The following ASH1L variants were observed in gnomAD, a reference collection of about 807,000 sequenced individuals.
The protein encoded by ASH1L is histone-lysine N-methyltransferase ASH1L.
In ASH1L, 23 loss-of-function variants were observed where a neutral mutation model predicts 269.0. The ratio of observed to expected loss-of-function variants is 0.09; its 90% CI spans 0.06 to 0.12. ASH1L has a LOEUF of 0.12. Ranked by LOEUF, ASH1L falls within the 10% of genes least tolerant of loss-of-function variation. The pLI, the probability that ASH1L is intolerant of heterozygous loss-of-function variation, is 1.00. For synonymous variants in ASH1L, 1,187 were observed against 1,253.5 expected (o/e 0.95, Z 1.12); for missense variants, 2,912 against 3,567.8 (o/e 0.82, Z 4.68).
At chr1:155,342,953 A>G in intron 24 of ASH1L, 1 of 168,806 alleles carries the variant, frequency 5.9e-6, no homozygotes, top group Non-Finnish European at 1.3e-5. Flanking sequence ...ATATACAGGC[A>G]ATCATATACA....
At chr1:155,472,367 T>C (rs1015297605) in intron 3 of ASH1L, among the ~76,000 whole-genome samples, 1 of 152,202 alleles carries the variant, frequency 6.6e-6, no homozygotes, top group African/African-American at 2.4e-5. Flanking sequence ...TTCCCTGCTA[T>C]CTTTCTCATT....
chr1:155,348,899 A>AT (rs56051732), intron 19 of ASH1L, among the ~76,000 whole-genome samples: 79,027 of 132,208 alleles, frequency 0.6, 25,960 homozygotes, highest in East Asian at 0.76. Flanking sequence ...AAAAAAAAAA[A>AT]ATATATATAT....
chr1:155,470,681 AG>A (rs1280428722), intron 3 of ASH1L, among the ~76,000 whole-genome samples: 1 of 151,132 alleles, frequency 6.6e-6, no homozygotes, highest in Non-Finnish European at 1.5e-5. Context: ...CCTCCCGAGT[AG>A]CTGGGACTAC....
intron 3 of ASH1L, among the ~76,000 whole-genome samples, chr1:155,461,694 C>T (rs908270531): frequency 6.6e-6 from 1 of 151,834 alleles, no homozygotes; most frequent in Non-Finnish European, 1.5e-5. Context: ...TCCTACCCAA[C>T]ACATAGTCAA....
intron 5 of ASH1L, among the ~76,000 whole-genome samples, chr1:155,426,471 G>A (rs920094495): frequency 2.0e-5 from 3 of 152,112 alleles, no homozygotes; most frequent in African/African-American, 4.8e-5. Context: ...AAAGTGCTGG[G>A]ATTACAGGCG....
intron 13 of ASH1L, among the ~76,000 whole-genome samples, chr1:155,358,547 G>C (rs1654629451): frequency 6.6e-6 from 1 of 151,948 alleles, no homozygotes; most frequent in Non-Finnish European, 1.5e-5. Flanking sequence ...AATTAGCTGG[G>C]TGTGGTGACA....
At chr1:155,430,205 G>T (rs1661497858) in intron 5 of ASH1L, among the ~76,000 whole-genome samples, 1 of 151,758 alleles carries the variant, frequency 6.6e-6, no homozygotes, top group South Asian at 2.1e-4. Flanking sequence ...TCAACCCCTG[G>T]GCTCCAGCAA....
At chr1:155,369,080 A>G (rs1190376138) in intron 12 of ASH1L, among the ~76,000 whole-genome samples, 2 of 152,156 alleles carry the variant, frequency 1.3e-5, no homozygotes, top group African/African-American at 4.8e-5. Context: ...AGTATGTCAT[A>G]TTTTCATAGG....
In ASH1L at chr1:155,478,134, C is replaced by A; in HGVS notation, c.4736G>T (p.Cys1579Phe). ...LGLQTPLQID[C>F]SESSPSLSLG... is the part of the protein sequence containing the mutation. ...GGATAAGCTTGGAGAACTTTCTGAA[C>A]AGTCAATCTGTAAAGGTGTCTGCAA... The change falls in exon 3 of 28, where the codon TGT becomes TTT. Residue 1579 changes from cysteine to phenylalanine, a missense_variant. Physicochemically the swap from Cys to Phe is radical, Grantham distance 205. This residue lies in a region of ASH1L where 789 missense variants were observed against 897.6 expected (regional missense o/e 0.88). Coordinates refer to ENST00000392403, the MANE Select transcript of ASH1L (RefSeq NM_018489.3). This position sits in a 1 kb window ranked among gnomAD's most constrained non-coding sequence, Gnocchi z 4.6. The A allele has an allele frequency of 6.2e-7, 1 of 1,614,044 alleles. No homozygotes were observed. The highest frequency in any genetic ancestry group is 8.5e-7 in the Non-Finnish European group (1 of 1,180,016).
intron 21 of ASH1L, chr1:155,344,517 T>C (rs1653066827): frequency 2.6e-6 from 1 of 379,754 alleles, no homozygotes; most frequent in Admixed American, 4.2e-5. Flanking sequence ...TTGCTCTACG[T>C]AATCTAGGGG....
chr1:155,557,331 T>G (rs921213584), intron 1 of ASH1L, among the ~76,000 whole-genome samples: 8 of 152,014 alleles, frequency 5.3e-5, no homozygotes, highest in Non-Finnish European at 7.4e-5. Context: ...GGCGCAGTCT[T>G]GGCTCACTGC....
At chr1:155,528,064 T>TA (rs763088782) in intron 1 of ASH1L, among the ~76,000 whole-genome samples, 14 of 152,338 alleles carry the variant, frequency 9.2e-5, no homozygotes, top group Non-Finnish European at 1.8e-4. Flanking sequence ...TATCTTCAGA[T>TA]AGAGACTAGC....
chr1:155,487,235 C>A (rs1220093983), intron 2 of ASH1L, among the ~76,000 whole-genome samples: 1 of 151,946 alleles, frequency 6.6e-6, no homozygotes, highest in Non-Finnish European at 1.5e-5. Flanking sequence ...AACAGAGTAC[C>A]TATTCTGACT....
At position 155,465,562 on chromosome 1, in the gene ASH1L, G is replaced by A. The variant is rs960901987; in HGVS notation, c.4985-5664C>T. Among the ~76,000 whole-genome samples the A allele has an allele frequency of 1.1e-4, 16 of 152,270 alleles. No individual in the cohort carries two copies. In the East Asian group the frequency reaches 2.7e-3, roughly 26 times the overall value. On this transcript the variant is annotated intron_variant, in intron 3 of 27. Coordinates refer to ENST00000392403, the MANE Select transcript of ASH1L (RefSeq NM_018489.3). ...TAATTTGGAAGAATGCTATGCAGTA[G>A]TCAGTTCTAAGATATTATCGATTTT... is the stretch of plus-strand genomic sequence containing the variant.
intron 5 of ASH1L, among the ~76,000 whole-genome samples, chr1:155,421,548 G>A (rs1015387383): frequency 2.0e-4 from 30 of 151,566 alleles, no homozygotes; most frequent in African/African-American, 4.8e-4. Context: ...GTGGGTGCCT[G>A]TAGTCCCAGC....
chr1:155,519,550 G>C (rs1668730129), intron 2 of ASH1L, among the ~76,000 whole-genome samples: 1 of 152,206 alleles, frequency 6.6e-6, no homozygotes, highest in South Asian at 2.1e-4. Flanking sequence ...TGCACCTTGA[G>C]GACATTCTGG....
intron 12 of ASH1L, among the ~76,000 whole-genome samples, chr1:155,369,153 T>C (rs1351659648): frequency 6.6e-6 from 1 of 152,162 alleles, no homozygotes; most frequent in East Asian, 1.9e-4. Flanking sequence ...TTAAGATCTA[T>C]GTATTTCTAG....
chr1:155,428,193 C>A (rs148350278), intron 5 of ASH1L, among the ~76,000 whole-genome samples: 2,895 of 152,240 alleles, frequency 0.019, 80 homozygotes, highest in African/African-American at 0.065. Context: ...AATCCCAGCA[C>A]TTTGGGAGGC....
At chr1:155,411,553 A>G (rs1659761357) in intron 6 of ASH1L, among the ~76,000 whole-genome samples, 1 of 137,042 alleles carries the variant, frequency 7.3e-6, no homozygotes, top group Non-Finnish European at 1.5e-5. Flanking sequence ...TATGATATAT[A>G]TAAATATAAA....
Sources: allele counts gnomAD v4.1 joint callset (sites outside exome capture counted in the v4.1 genomes callset), GRCh38; gene constraint gnomAD v4.1.1; regional missense constraint gnomAD v4.1.1; non-coding constraint Gnocchi (gnomAD v3.1); transcripts MANE v1.5; gene names NCBI Gene and HGNC (gene_info 2026-07-23, HGNC 2026-07-21).